The following PCDHGA9 variants were observed in gnomAD, a reference collection of about 807,000 sequenced individuals.
PCDHGA9 encodes protocadherin gamma subfamily A, 9, also known as protocadherin gamma-A9.
A neutral mutation model predicts 62.5 loss-of-function variants in PCDHGA9; 37 were observed. The observed-to-expected ratio is 0.59, with a 90% confidence interval of 0.46 to 0.78. The LOEUF is 0.78. Among genes scored for constraint, PCDHGA9 ranks in the 30% least tolerant of loss-of-function variants. PCDHGA9 has a pLI of 0.00. For synonymous variants in PCDHGA9, 459 were observed against 484.6 expected (o/e 0.95, Z 0.69); for missense variants, 1,138 against 1,166.2 (o/e 0.98, Z 0.35).
At chr5:141,450,006 CTT>C (rs1554136305) in intron 1 of PCDHGA9, among the ~76,000 whole-genome samples, 13 of 132,938 alleles carry the variant, frequency 9.8e-5, no homozygotes, top group Non-Finnish European at 7.9e-5. Flanking sequence ...TGCCATGTCT[CTT>C]TTTTTTTTTT....
intron 1 of PCDHGA9, among the ~76,000 whole-genome samples, chr5:141,475,250 A>G (rs941738675): frequency 6.6e-6 from 1 of 152,246 alleles, no homozygotes; most frequent in Non-Finnish European, 1.5e-5. Context: ...AGTGTGCTCT[A>G]CAACTGAGAT....
At chr5:141,454,471 A>C (rs774315258) in intron 1 of PCDHGA9, among the ~76,000 whole-genome samples, 7 of 152,198 alleles carry the variant, frequency 4.6e-5, no homozygotes, top group Non-Finnish European at 7.3e-5. Context: ...CAATGGCATG[A>C]TCTCAGCTCA....
At chr5:141,483,242 C>T (rs2099578681) in intron 1 of PCDHGA9, among the ~76,000 whole-genome samples, 1 of 151,558 alleles carries the variant, frequency 6.6e-6, no homozygotes, top group African/African-American at 2.4e-5. Flanking sequence ...AACTGATATG[C>T]ATATATCATG....
At chr5:141,474,426 C>T (rs2099349464) in intron 1 of PCDHGA9, among the ~76,000 whole-genome samples, 1 of 152,198 alleles carries the variant, frequency 6.6e-6, no homozygotes, top group Non-Finnish European at 1.5e-5. Context: ...ACCATTGGTC[C>T]TCACACTTTG....
intron 1 of PCDHGA9, chr5:141,410,939 C>T (rs960754863): frequency 5.1e-5 from 10 of 195,446 alleles, no homozygotes; most frequent in South Asian, 1.1e-4. Flanking sequence ...CTGCAACCTC[C>T]GCCTTCTGGG....
At chr5:141,433,383 CT>C (rs2097595660) in intron 1 of PCDHGA9, among the ~76,000 whole-genome samples, 1 of 151,456 alleles carries the variant, frequency 6.6e-6, no homozygotes, top group Non-Finnish European at 1.5e-5. Context: ...ATCTATCTAT[CT>C]ATCTATCTAT....
chr5:141,500,234 A>T (rs2099798212), intron 2 of PCDHGA9, among the ~76,000 whole-genome samples: 1 of 148,996 alleles, frequency 6.7e-6, no homozygotes, highest in Non-Finnish European at 1.5e-5. Context: ...ATTGATACGT[A>T]GCCTTGCTCT....
intron 1 of PCDHGA9, chr5:141,410,094 C>A: frequency 6.2e-7 from 1 of 1,612,646 alleles, no homozygotes; most frequent in South Asian, 1.1e-5. Context: ...ACGGCTCGAG[C>A]CTTAGGCGAC....
At chr5:141,458,651 C>T (rs924873907) in intron 1 of PCDHGA9, among the ~76,000 whole-genome samples, 1 of 152,114 alleles carries the variant, frequency 6.6e-6, no homozygotes. Context: ...CTCACTGCAA[C>T]CTCCACCTCT....
chr5:141,474,837 C>T (rs1250443544), intron 1 of PCDHGA9, among the ~76,000 whole-genome samples: 2 of 152,214 alleles, frequency 1.3e-5, no homozygotes, highest in Admixed American at 6.5e-5. Flanking sequence ...CTGTGCCAGG[C>T]ACTTTACCTG....
In PCDHGA9 at chr5:141,477,877, C is replaced by A; in HGVS notation, c.2425-16930C>A. 1 of 1,614,170 alleles carries A rather than the reference C, an allele frequency of 6.2e-7. No homozygotes were observed. The highest frequency in any genetic ancestry group is 8.5e-7 in the Non-Finnish European group (1 of 1,180,036). On this transcript the variant is annotated intron_variant, in intron 1 of 3. Transcript: ENST00000573521. This position sits in a 1 kb window ranked among gnomAD's most constrained non-coding sequence, Gnocchi z 4.9. The stretch of plus-strand genomic sequence containing the variant: ...TGCTGCCTCGAGGTACCTCAGCTGG[C>A]CACCTAGTGTCACGGGTGGTAGGCT...
At chr5:141,423,642 T>C (rs1293550754) in intron 1 of PCDHGA9, 2 of 1,596,770 alleles carry the variant, frequency 1.3e-6, no homozygotes, top group African/African-American at 2.7e-5. Flanking sequence ...TAGGCAAATG[T>C]GACCCGACAA....
At chr5:141,452,524 C>T (rs542476667) in intron 1 of PCDHGA9, among the ~76,000 whole-genome samples, 83 of 152,294 alleles carry the variant, frequency 5.4e-4, no homozygotes, top group African/African-American at 1.9e-3. Flanking sequence ...CCCTCAAAAT[C>T]GTGAGTTCAT....
rs538105673 is a variant in PCDHGA9, at chr5:141,427,796, C to T, written c.2424+22420C>T. On this transcript the variant is annotated intron_variant, in intron 1 of 3. Transcript: ENST00000573521. Reference sequence around the variant, plus strand: ...TGCGGGCACTGTCGTCCTACGTGTCCGTGAGCGCACAGAGCGGGGTGGTGG... The same window carrying T: ...TGCGGGCACTGTCGTCCTACGTGTCTGTGAGCGCACAGAGCGGGGTGGTGG... The T allele has an allele frequency of 3.6e-4, 547 of 1,502,104 alleles. 5 individuals carry two copies. In the South Asian group the frequency reaches 5.9e-3, roughly 16 times the overall value. The allele number at this position is 1,502,104 out of a possible 1,614,324, so 93.0% of individuals were successfully genotyped here.
rs368884524 is a variant in PCDHGA9 at position 141,409,933 on chromosome 5, G to A, written c.2424+4557G>A. On this transcript the variant is annotated intron_variant, in intron 1 of 3. Coordinates refer to ENST00000573521, the MANE Select transcript of PCDHGA9 (RefSeq NM_018921.3). ...CTGACGGCTCCGCGTTCTTCGATAT[G>A]GTACCTCGCTCTGCAGAGCCCGGCT... 50 of 1,613,236 alleles carry A rather than the reference G, an allele frequency of 3.1e-5. No homozygotes were observed. The highest frequency in any genetic ancestry group is 4.1e-5 in the Non-Finnish European group (48 of 1,179,790).
At chr5:141,416,186 T>G (rs904230611) in intron 1 of PCDHGA9, 2 of 152,474 alleles carry the variant, frequency 1.3e-5, no homozygotes, top group African/African-American at 4.8e-5. Flanking sequence ...TTCATTAATA[T>G]TGAATTAACA....
intron 1 of PCDHGA9, among the ~76,000 whole-genome samples, chr5:141,436,998 A>T (rs985067199): frequency 6.6e-6 from 1 of 152,242 alleles, no homozygotes; most frequent in African/African-American, 2.4e-5. Context: ...GTTTACTTCA[A>T]TGGGATCTTA....
chr5:141,444,588 A>G (rs1486905298), intron 1 of PCDHGA9, among the ~76,000 whole-genome samples: 1 of 152,138 alleles, frequency 6.6e-6, no homozygotes, highest in Non-Finnish European at 1.5e-5. Flanking sequence ...CTTTCTACTT[A>G]CCTTATTTAA....
Position 141,404,695 on chromosome 5 carries a change from TGCAGAGCC to T in PCDHGA9, c.1744_1751del (p.Ala582TrpfsTer29). ...CTGGTGTGGAGCTGGCACCCCGCTC[TGCAGAGCC>T]TGGCTACCTGGTGACCAAGGTGGTG... On this transcript the variant is annotated frameshift_variant, in exon 1 of 4. Coordinates refer to ENST00000573521, the MANE Select transcript of PCDHGA9 (RefSeq NM_018921.3). LOFTEE classifies it high-confidence loss of function. 6.2e-7 allele frequency: 1 copy of T among 1,614,122 alleles called. No homozygotes were observed. Among genetic ancestry groups the T allele is most frequent in the Non-Finnish European group, 8.5e-7 (1 of 1,179,998 alleles).
Sources: allele counts gnomAD v4.1 joint callset (sites outside exome capture counted in the v4.1 genomes callset), GRCh38; gene constraint gnomAD v4.1.1; non-coding constraint Gnocchi (gnomAD v3.1); transcripts MANE v1.5; gene names NCBI Gene and HGNC (gene_info 2026-07-23, HGNC 2026-07-21).